RIT1: variants seen among roughly 807,000 people sequenced by gnomAD.
The protein encoded by RIT1 is Ras like without CAAX 1, also known as GTP-binding protein Rit1.
RIT1 carries 6 observed loss-of-function variants against 25.6 expected under a neutral mutation model. That is an observed-to-expected ratio of 0.23 (90% CI 0.13 to 0.46). The LOEUF (loss-of-function observed/expected upper bound fraction) is 0.46. Among genes scored for constraint, RIT1 ranks in the 20% least tolerant of loss-of-function variants. The pLI is 0.99. For synonymous variants in RIT1, 81 were observed against 94.1 expected, an observed-to-expected ratio of 0.86 and a Z score of 0.80; for missense variants, 219 against 284.4, an observed-to-expected ratio of 0.77 and a Z score of 1.65.
chr1:155,898,844 T>G lies in RIT1; in HGVS notation c.*1544A>C, dbSNP rs1673249245. ...GGACCACTACTCAGAGCTAAAAAAG[T>G]TCTAACAGTCACTTTTTAAAAAAGC... is the stretch of plus-strand genomic sequence containing the variant. On this transcript the variant is annotated 3_prime_UTR_variant, in exon 6 of 6. Transcript: ENST00000368323. The G allele has an allele frequency of 5.1e-6, 1 of 194,338 alleles. No individual in the cohort carries two copies. Among genetic ancestry groups the G allele is most frequent in the African/African-American group, 2.3e-5 (1 of 43,120 alleles). 12.0% of individuals were successfully genotyped at this position (194,338 alleles called of 1,614,324 possible).
At chr1:155,906,544 T>G (rs963428503) in intron 3 of RIT1, among the ~76,000 whole-genome samples, 3 of 151,946 alleles carry the variant, frequency 2.0e-5, no homozygotes, top group African/African-American at 4.8e-5. Context: ...GTGGATCACC[T>G]GAGGTCAGGA....
chr1:155,904,619 G>T, intron 4 of RIT1, 112 bp downstream of exon 4: 1 of 1,204,164 alleles, frequency 8.3e-7, no homozygotes, highest in Non-Finnish European at 1.2e-6. Flanking sequence ...TCCTGAGTCA[G>T]AGTGCATGAA....
intron 3 of RIT1, among the ~76,000 whole-genome samples, chr1:155,905,878 A>G (rs1673427105): frequency 6.6e-6 from 1 of 151,478 alleles, no homozygotes; most frequent in South Asian, 2.1e-4. Context: ...CCCAGACTGG[A>G]GTGCAGTGGC....
At chr1:155,907,730 A>G (rs548753094) in intron 3 of RIT1, among the ~76,000 whole-genome samples, 4 of 152,390 alleles carry the variant, frequency 2.6e-5, no homozygotes, top group South Asian at 2.1e-4. Flanking sequence ...CTCAGAAGAC[A>G]TAAGTATTTG....
chr1:155,903,370 T>C (rs1364663804), intron 5 of RIT1, among the ~76,000 whole-genome samples: 2 of 147,300 alleles, frequency 1.4e-5, no homozygotes, highest in Non-Finnish European at 3.0e-5. Context: ...GGAGACTCAC[T>C]TGAACCCAGG....
In RIT1 at chr1:155,900,215, A is replaced by G. The variant is rs1291999837; in HGVS notation, c.*173T>C. The G allele has an allele frequency of 1.7e-6, 1 of 592,430 alleles. No individual in the cohort carries two copies. The highest frequency in any genetic ancestry group is 3.0e-6 in the Non-Finnish European group (1 of 334,280). The allele number at this position is 592,430 out of a possible 1,614,324, so 36.7% of individuals were successfully genotyped here. On this transcript the variant is annotated 3_prime_UTR_variant, in exon 6 of 6. Coordinates refer to ENST00000368323, the MANE Select transcript of RIT1 (RefSeq NM_006912.6). ...AGACAGTGCTCCACTGGGTTAATAA[A>G]TCATACTTAACTAAGAGACAATACT...
Position 155,904,788 on chromosome 1 carries a change from G to T in RIT1, c.180C>A (p.Ile60=). 1 of 1,610,172 alleles carries T rather than the reference G, an allele frequency of 6.2e-7. No homozygotes were observed. Among genetic ancestry groups the T allele is most frequent in the South Asian group, 1.1e-5 (1 of 90,996 alleles). ...CAGGCTCATCATCAATACGGATCCT[G>T]ATCTTATAAGCATCTTCTACAGGAG... ...HDPTIEDAYK[I]RIRIDDEPAN... is the part of the protein sequence containing the mutation. Residue 60 remains isoleucine (I), a synonymous_variant, in exon 4 of 6, where the codon ATC becomes ATA. Coordinates refer to ENST00000368323, the MANE Select transcript of RIT1 (RefSeq NM_006912.6).
chr1:155,906,773 A>AG (rs1210502439), intron 3 of RIT1, among the ~76,000 whole-genome samples: 1 of 132,492 alleles, frequency 7.5e-6, no homozygotes, highest in Non-Finnish European at 1.6e-5. Flanking sequence ...AAAAAAAAAA[A>AG]AAAAAAAAAA....
intron 3 of RIT1, among the ~76,000 whole-genome samples, chr1:155,906,545 G>A (rs1673441977): frequency 6.6e-6 from 1 of 152,068 alleles, no homozygotes; most frequent in African/African-American, 2.4e-5. Context: ...TGGATCACCT[G>A]AGGTCAGGAG....
intron 2 of RIT1, 23 bp downstream of exon 2, chr1:155,910,633 G>A: frequency 6.2e-7 from 1 of 1,612,118 alleles, no homozygotes; most frequent in Middle Eastern, 1.7e-4. Context: ...CATGCTTCCT[G>A]TCAAATGGAA....
intron 5 of RIT1, among the ~76,000 whole-genome samples, chr1:155,900,849 GTTCTTGTTGC>G (rs1557958554): frequency 6.6e-6 from 1 of 151,980 alleles, no homozygotes; most frequent in African/African-American, 2.4e-5. Flanking sequence ...ACAGAGTTGC[GTTCTTGTTGC>G]CCAGATTGGA....
chr1:155,910,843 A>G (rs1673581625), intron 1 of RIT1, 39 bp from the exon 2 acceptor site: 4 of 1,608,750 alleles, frequency 2.5e-6, no homozygotes, highest in South Asian at 1.1e-5. Context: ...CAGGATGGAG[A>G]CACCACGGCG....
Position 155,900,461 on chromosome 1 carries a change from T to A in RIT1, c.587A>T (p.Lys196Ile). The change falls in exon 6 of 6, where the codon AAA (lysine) becomes ATA (isoleucine). Residue 196 changes from lysine (K) to isoleucine (I), a missense_variant. Lys to Ile is a moderately radical substitution (Grantham distance 102, BLOSUM62 -3). Around this residue, in one of 3 missense-constraint regions of RIT1, gnomAD observed 81 missense variants for 83.8 expected, o/e 0.97. Transcript: ENST00000368323. ...CCATACACTGTTTTTGGGCTTAGAT[T>A]TTTTCTCCATGGCCAGTACTGCCTC... Reference protein sequence around the residue: ...EKEAVLAMEKKSKPKNSVWKR... With the variant: ...EKEAVLAMEKISKPKNSVWKR... 1 of 1,614,138 alleles carries A rather than the reference T, an allele frequency of 6.2e-7. No individual in the cohort carries two copies. Among genetic ancestry groups the A allele is most frequent in the Non-Finnish European group, 8.5e-7 (1 of 1,180,006 alleles).
At chr1:155,904,288 A>G in intron 5 of RIT1, 23 bp downstream of exon 5, 1 of 1,512,528 alleles carries the variant, frequency 6.6e-7, no homozygotes, top group Non-Finnish European at 9.2e-7. Context: ...GATTATAGAC[A>G]GTATTTTCTT....
At chr1:155,906,076 G>A (rs1673432991) in intron 3 of RIT1, among the ~76,000 whole-genome samples, 1 of 152,078 alleles carries the variant, frequency 6.6e-6, no homozygotes, top group African/African-American at 2.4e-5. Flanking sequence ...TGATCCACCT[G>A]CCTCAGCCTC....
Position 155,904,376 on chromosome 1 carries a change from G to A in RIT1, c.364C>T (p.Arg122Ter). ...REFKQLIYRV[R>*]RTDDTPVVLV... ...ACCACAGGTGTATCGTCAGTACGTCGGACTCGATAAATAAGCTGTTTAAAC... is the reference window on the plus strand; with the variant it reads ...ACCACAGGTGTATCGTCAGTACGTCAGACTCGATAAATAAGCTGTTTAAAC... The change falls in exon 5 of 6, where the codon CGA (arginine) becomes TGA (stop). Residue 122 changes from arginine to a stop codon, truncating the protein, a stop_gained. Coordinates refer to ENST00000368323, the MANE Select transcript of RIT1 (RefSeq NM_006912.6). LOFTEE classifies it high-confidence loss of function. 6.2e-7 allele frequency: 1 copy of A among 1,613,890 alleles called. No homozygotes were observed. Among genetic ancestry groups the A allele is most frequent in the Non-Finnish European group, 8.5e-7 (1 of 1,179,870 alleles).
Position 155,910,737 on chromosome 1 carries a change from C to G in RIT1, c.25G>C (p.Gly9Arg). 6.2e-7 allele frequency: 1 copy of G among 1,614,238 alleles called. No individual in the cohort carries two copies. The highest frequency in any genetic ancestry group is 2.2e-5 in the East Asian group (1 of 44,890). Residue 9 changes from glycine (G) to arginine (R), a missense_variant, in exon 2 of 6, where the codon GGT becomes CGT. Around this residue, in one of 3 missense-constraint regions of RIT1, gnomAD observed 131 missense variants for 173.6 expected, o/e 0.75. Transcript: ENST00000368323. MDSGTRPV[G>R]SCCSSPAGLS... ...CCAGCGGGGCTGCTACAGCAGCTACCAACTGGGCGAGTTCCAGAATCCATT... is the reference window on the plus strand; with the variant it reads ...CCAGCGGGGCTGCTACAGCAGCTACGAACTGGGCGAGTTCCAGAATCCATT...
chr1:155,901,112 G>A (rs1673303943), intron 5 of RIT1, among the ~76,000 whole-genome samples: 1 of 152,200 alleles, frequency 6.6e-6, no homozygotes, highest in Admixed American at 6.5e-5. Context: ...ACTGTGCCCG[G>A]TCTCTAGTCT....
At chr1:155,910,892 T>A in intron 1 of RIT1, 88 bp from the exon 2 acceptor site, 10 of 1,568,286 alleles carry the variant, frequency 6.4e-6, no homozygotes, top group Non-Finnish European at 6.9e-6. Flanking sequence ...CCATACATAT[T>A]CTGGCCTGTC....
Sources: allele counts gnomAD v4.1 joint callset (sites outside exome capture counted in the v4.1 genomes callset), GRCh38; gene constraint gnomAD v4.1.1; regional missense constraint gnomAD v4.1.1; transcripts MANE v1.5; gene names NCBI Gene and HGNC (gene_info 2026-07-23, HGNC 2026-07-21).